The following AGAP1 variants were observed in gnomAD, a reference collection of about 807,000 sequenced individuals.
AGAP1 encodes the protein arf-GAP with GTPase, ANK repeat and PH domain-containing protein 1.
AGAP1 carries 29 observed loss-of-function variants against 105.3 expected under a neutral mutation model. The ratio of observed to expected loss-of-function variants is 0.28; its 90% CI spans 0.21 to 0.38. AGAP1 has a LOEUF of 0.38. AGAP1 is among the 10% of genes least tolerant of loss of function. The probability of loss-of-function intolerance (pLI) is 1.00; values close to 1 mark genes in which losing one functional copy is unlikely to be tolerated. For missense variants in AGAP1, 998 were observed against 1,165.1 expected (o/e 0.86, Z 2.09); for synonymous variants, 509 against 485.9 (o/e 1.05, Z -0.63).
At chr2:235,913,906 C>T (rs1372115562) in intron 11 of AGAP1, among the ~76,000 whole-genome samples, 1 of 151,990 alleles carries the variant, frequency 6.6e-6, no homozygotes, top group Non-Finnish European at 1.5e-5. Context: ...AGTTCCTTAT[C>T]GTGGAACACT....
chr2:236,082,187 A>G lies in AGAP1; in HGVS notation c.2114+32906A>G, dbSNP rs1316055891. Among the ~76,000 whole-genome samples, 2 of 152,150 alleles carry G rather than the reference A, an allele frequency of 1.3e-5. No homozygotes were observed. The highest frequency in any genetic ancestry group is 2.9e-5 in the Non-Finnish European group (2 of 68,024). ...CTCTAGAACAAACCTATCATTTTTCACCACGGGATATTTACAGCTTCAATC... is the reference window on the plus strand; with the variant it reads ...CTCTAGAACAAACCTATCATTTTTCGCCACGGGATATTTACAGCTTCAATC... On this transcript the variant is annotated intron_variant, in intron 16 of 17. Coordinates refer to ENST00000304032, the MANE Select transcript of AGAP1 (RefSeq NM_001037131.3). The surrounding 1 kb of genome is among the most constrained non-coding windows in gnomAD (Gnocchi z 4.2).
Position 235,994,861 on chromosome 2 carries a change from T to G in AGAP1, c.1645+26238T>G, listed in dbSNP as rs1270558090. Among the ~76,000 whole-genome samples, 1 of 150,350 alleles carries G rather than the reference T, an allele frequency of 6.7e-6. No homozygotes were observed. On this transcript the variant is annotated intron_variant, in intron 13 of 17. Coordinates refer to ENST00000304032, the MANE Select transcript of AGAP1 (RefSeq NM_001037131.3). The surrounding 1 kb of genome is among the most constrained non-coding windows in gnomAD (Gnocchi z 4.4). ...GCGGGCGGATCACGAGGTCAGGAGT[T>G]TGAGACCAGCCTGGACAAAATAGTG...
intron 1 of AGAP1, among the ~76,000 whole-genome samples, chr2:235,686,387 A>G (rs889995834): frequency 7.9e-5 from 12 of 151,786 alleles, no homozygotes; most frequent in Non-Finnish European, 1.5e-4. Flanking sequence ...GAGCTTCTAT[A>G]TTGGAATTCT....
chr2:236,110,584 T>C (rs995419856), intron 16 of AGAP1, among the ~76,000 whole-genome samples: 2 of 152,068 alleles, frequency 1.3e-5, no homozygotes, highest in African/African-American at 4.8e-5. Flanking sequence ...AAGCCTCAAG[T>C]CAGTGGTTGG....
chr2:235,968,437 T>C, intron 12 of AGAP1, 25 bp from the exon 13 acceptor site: 1 of 1,550,590 alleles, frequency 6.4e-7, no homozygotes, highest in Non-Finnish European at 8.6e-7. Context: ...TTTTTTTTTT[T>C]TTGCCTTTTC....
rs1172737406 is a variant in AGAP1, at chr2:235,572,976, TTTCTTC to T, written c.163+78208_163+78213del. On this transcript the variant is annotated intron_variant, in intron 1 of 17. Coordinates refer to ENST00000304032, the MANE Select transcript of AGAP1 (RefSeq NM_001037131.3). ...CAGACTCCCCGATTGCTCCATCTTT[TTTCTTC>T]TTCTTCTTCTTCTTCTTCTTCTTCT... is the stretch of plus-strand genomic sequence containing the variant. Among the ~76,000 whole-genome samples, 670 of 103,866 alleles carry T rather than the reference TTTCTTC, an allele frequency of 6.5e-3. 5 individuals carry two copies. The highest frequency in any genetic ancestry group is 9.1e-3 in the Non-Finnish European group (475 of 52,386). 68.1% of individuals were successfully genotyped at this position (103,866 alleles called of 152,430 possible). A position where few individuals can be genotyped will look rare whatever the true frequency, so the allele number is the denominator to read the frequency against.
chr2:235,695,160 T>G (rs923526659), intron 1 of AGAP1, among the ~76,000 whole-genome samples: 1 of 152,216 alleles, frequency 6.6e-6, no homozygotes, highest in African/African-American at 2.4e-5. Flanking sequence ...TGCCAGTGTT[T>G]TAAGCATCGA....
At chr2:235,784,756 A>T (rs1266440412) in intron 6 of AGAP1, among the ~76,000 whole-genome samples, 1 of 152,172 alleles carries the variant, frequency 6.6e-6, no homozygotes, top group Admixed American at 6.5e-5. Flanking sequence ...CAAATTCATC[A>T]TGCATCTCCT....
chr2:235,742,212 C>G (rs1559421763), intron 4 of AGAP1, among the ~76,000 whole-genome samples: 1 of 152,150 alleles, frequency 6.6e-6, no homozygotes, highest in Non-Finnish European at 1.5e-5. Context: ...ATACTGAATA[C>G]AGGACTTCTT....
At chr2:235,806,004 G>C (rs771354893) in intron 8 of AGAP1, among the ~76,000 whole-genome samples, 16 of 152,132 alleles carry the variant, frequency 1.1e-4, no homozygotes, top group Admixed American at 2.0e-4. Flanking sequence ...TTTCCATCAT[G>C]GGAACTGTTC....
chr2:236,044,724 C>A lies in AGAP1; in HGVS notation c.1891+3883C>A, dbSNP rs547081459. On this transcript the variant is annotated intron_variant, in intron 15 of 17. Coordinates refer to ENST00000304032, the MANE Select transcript of AGAP1 (RefSeq NM_001037131.3). This position sits in a 1 kb window ranked among gnomAD's most constrained non-coding sequence, Gnocchi z 5.7. ...GGTCCCGCAACGTCGGGTCTCCTTC[C>A]CATTGTCGCCTCTTAGTCCTTCCCT... Among the ~76,000 whole-genome samples, 9 of 152,090 alleles carry A rather than the reference C, an allele frequency of 5.9e-5. No homozygotes were observed. The South Asian group carries it at 1.9e-3, about 32-fold the overall frequency.
chr2:235,791,549 A>AT (rs200221292), intron 6 of AGAP1, among the ~76,000 whole-genome samples: 3,133 of 149,546 alleles, frequency 0.021, 100 homozygotes, highest in African/African-American at 0.072. Context: ...ATTTGATTTG[A>AT]TTTTTTTTTT....
rs1173730273 is a variant in AGAP1 at position 235,691,267 on chromosome 2, G to A, written c.164-17912G>A. ...CATAGGGCTCTGTGCCTGGCCCCAG[G>A]ACTGTCATATCCAGGGAAAGGTCAC... On this transcript the variant is annotated intron_variant, in intron 1 of 17. Transcript: ENST00000304032. The surrounding 1 kb of genome is among the most constrained non-coding windows in gnomAD (Gnocchi z 4.4). Among the ~76,000 whole-genome samples, 3 of 152,164 alleles carry A rather than the reference G, an allele frequency of 2.0e-5. No individual in the cohort carries two copies. The highest frequency in any genetic ancestry group is 2.9e-5 in the Non-Finnish European group (2 of 68,042).
Position 235,989,526 on chromosome 2 carries a change from C to T in AGAP1, c.1645+20903C>T, listed in dbSNP as rs1489807842. Among the ~76,000 whole-genome samples, 1 of 152,130 alleles carries T rather than the reference C, an allele frequency of 6.6e-6. No homozygotes were observed. The highest frequency in any genetic ancestry group is 1.9e-4 in the East Asian group (1 of 5,162). ...CTAGGGAGGCAGCCCCAGGCAGGGC[C>T]TGGGCACACTGGTGGCGTAGCTGAG... On this transcript the variant is annotated intron_variant, in intron 13 of 17. Coordinates refer to ENST00000304032, the MANE Select transcript of AGAP1 (RefSeq NM_001037131.3). The surrounding 1 kb of genome is among the most constrained non-coding windows in gnomAD (Gnocchi z 4.4).
In AGAP1 at chr2:236,098,620, C is replaced by CTTTTTTTTTTTTTTTTT. The variant is rs34419216; in HGVS notation, c.2115-21569_2115-21553dup. 4.2e-3 allele frequency among the ~76,000 whole-genome samples: 480 copies of CTTTTTTTTTTTTTTTTT among 115,174 alleles called. 42 individuals are homozygous for CTTTTTTTTTTTTTTTTT. Among genetic ancestry groups the CTTTTTTTTTTTTTTTTT allele is most frequent in the African/African-American group, 0.016 (424 of 25,726 alleles). The allele number at this position is 115,174 out of a possible 152,430, so 75.6% of individuals were successfully genotyped here. A position where few individuals can be genotyped will look rare whatever the true frequency, so the allele number is the denominator to read the frequency against. On this transcript the variant is annotated intron_variant, in intron 16 of 17. Transcript: ENST00000304032. ...GCTGACTTGATGAAATCTTTTTTTCCTTTTTTTTTTTTTTTTTTTAGAGAA... is the reference window on the plus strand; with the variant it reads ...GCTGACTTGATGAAATCTTTTTTTCCTTTTTTTTTTTTTTTTTTTTTTTTTTTTTTTTTTTTAGAGAA...
rs780504762 is a variant in AGAP1 at position 235,535,644 on chromosome 2, G to A, written c.163+40795G>A. 6.6e-6 allele frequency among the ~76,000 whole-genome samples: 1 copy of A among 152,066 alleles called. No homozygotes were observed. The highest frequency in any genetic ancestry group is 1.5e-5 in the Non-Finnish European group (1 of 68,024). ...CGGGGCTGTGCCAGGCACCCGCGTC[G>A]CGCTCCAGCTCCAGCCCTTTAATGC... On this transcript the variant is annotated intron_variant, in intron 1 of 17. Coordinates refer to ENST00000304032, the MANE Select transcript of AGAP1 (RefSeq NM_001037131.3). This position sits in a 1 kb window ranked among gnomAD's most constrained non-coding sequence, Gnocchi z 5.1.
At position 236,056,718 on chromosome 2, in the gene AGAP1, G is replaced by A. The variant is rs1331909671; in HGVS notation, c.2114+7437G>A. Among the ~76,000 whole-genome samples, 2 of 152,118 alleles carry A rather than the reference G, an allele frequency of 1.3e-5. No individual in the cohort carries two copies. The highest frequency in any genetic ancestry group is 4.8e-5 in the African/African-American group (2 of 41,404). On this transcript the variant is annotated intron_variant, in intron 16 of 17. Coordinates refer to ENST00000304032, the MANE Select transcript of AGAP1 (RefSeq NM_001037131.3). The surrounding 1 kb of genome is among the most constrained non-coding windows in gnomAD (Gnocchi z 4.6). ...TCTCTTTCTTCTTCTTAATGAAGAG[G>A]AGGGAGACAAAAACATGGCCGGAGC...
In AGAP1 at chr2:235,993,236, A is replaced by G. The variant is rs2055649175; in HGVS notation, c.1645+24613A>G. 6.6e-6 allele frequency among the ~76,000 whole-genome samples: 1 copy of G among 152,194 alleles called. No individual in the cohort carries two copies. ...AGTGATCTTTTCCTCAACTCAGGCC[A>G]GTCTATACAATACTATTGATATTTA... On this transcript the variant is annotated intron_variant, in intron 13 of 17. Transcript: ENST00000304032. The surrounding 1 kb of genome is among the most constrained non-coding windows in gnomAD (Gnocchi z 5.0).
In AGAP1 at chr2:235,744,369, G is replaced by A. The variant is rs1022146115; in HGVS notation, c.397-329G>A. 2.0e-5 allele frequency among the ~76,000 whole-genome samples: 3 copies of A among 152,148 alleles called. No individual in the cohort carries two copies. Among genetic ancestry groups the A allele is most frequent in the Non-Finnish European group, 2.9e-5 (2 of 68,030 alleles). ...GGTCTGGCCTTCTGTCTGCGGGGCC[G>A]CCTTGGCAGGTCGGGGCAGCGGGCG... is the stretch of plus-strand genomic sequence containing the variant. On this transcript the variant is annotated intron_variant, in intron 4 of 17. Transcript: ENST00000304032. This position sits in a 1 kb window ranked among gnomAD's most constrained non-coding sequence, Gnocchi z 5.2.
Sources: allele counts gnomAD v4.1 joint callset (sites outside exome capture counted in the v4.1 genomes callset), GRCh38; gene constraint gnomAD v4.1.1; non-coding constraint Gnocchi (gnomAD v3.1); transcripts MANE v1.5; gene names NCBI Gene and HGNC (gene_info 2026-07-23, HGNC 2026-07-21).